Variants in DNAJC21 observed in about 807,000 individuals in gnomAD.
The protein encoded by DNAJC21 is dnaJ homolog subfamily C member 21.
In DNAJC21, 63 loss-of-function variants were observed where a neutral mutation model predicts 72.4. That is an observed-to-expected ratio of 0.87 (90% CI 0.71 to 1.07). The LOEUF (loss-of-function observed/expected upper bound fraction) is 1.07. Ranked by LOEUF, DNAJC21 falls within the 50% of genes least tolerant of loss-of-function variation. The pLI is 0.00. For synonymous variants in DNAJC21, 203 were observed against 216.7 expected (o/e 0.94, Z 0.56); for missense variants, 634 against 644.8 (o/e 0.98, Z 0.18).
intron 9 of DNAJC21, chr5:34,949,774 T>A: frequency 6.5e-7 from 1 of 1,549,146 alleles, no homozygotes; most frequent in East Asian, 2.3e-5. Context: ...GCTCATTGCT[T>A]ATCATTTGGA....
Position 34,941,121 on chromosome 5 carries a change from C to T in DNAJC21, c.921C>T (p.Asp307=), listed in dbSNP as rs746205033. ...EDGKDSDEAE[D]AELYDDLYCP... ...GTAAAGACAGTGATGAGGCCGAGGA[C>T]GCTGAGCTCTATGATGACCTTTACT... Residue 307 remains aspartate (D), a synonymous_variant, in exon 7 of 12, where the codon GAC becomes GAT. Transcript: ENST00000648817. The T allele has an allele frequency of 1.4e-5, 23 of 1,614,002 alleles. No individual in the cohort carries two copies. Among genetic ancestry groups the T allele is most frequent in the South Asian group, 3.3e-5 (3 of 91,084 alleles).
intron 10 of DNAJC21, chr5:34,951,164 C>G (rs1295123337): frequency 2.0e-6 from 2 of 985,238 alleles, no homozygotes; most frequent in African/African-American, 3.5e-5. Context: ...CAGTATGACT[C>G]TGGCTATAGA....
intron 6 of DNAJC21, among the ~76,000 whole-genome samples, chr5:34,939,373 C>T (rs1483726870): frequency 1.3e-5 from 2 of 152,040 alleles, no homozygotes; most frequent in Non-Finnish European, 2.9e-5. Flanking sequence ...TCACGCCATT[C>T]TCCTGCCTCA....
chr5:34,953,795 T>C (rs1483544599), intron 10 of DNAJC21, 131 bp from the exon 11 acceptor site: 1 of 476,532 alleles, frequency 2.1e-6, no homozygotes, highest in African/African-American at 2.0e-5. Flanking sequence ...ATTATTTAAA[T>C]TGCCTTTAAA....
intron 5 of DNAJC21, 47 bp from the exon 6 acceptor site, chr5:34,938,811 A>C: frequency 1.3e-6 from 2 of 1,528,614 alleles, no homozygotes; most frequent in East Asian, 4.8e-5. Context: ...AGTGAAAACC[A>C]TGCAGAGGCG....
chr5:34,954,946 T>C lies in DNAJC21; in HGVS notation c.*232T>C. Reference sequence around the variant, plus strand: ...ATTGACTTGAATGTCTTAAAACAGGTAAATACTGTAAAGTGTGTATTCTTG... The same window carrying C: ...ATTGACTTGAATGTCTTAAAACAGGCAAATACTGTAAAGTGTGTATTCTTG... On this transcript the variant is annotated 3_prime_UTR_variant, in exon 12 of 12. Coordinates refer to ENST00000648817, the MANE Select transcript of DNAJC21 (RefSeq NM_001012339.3). 3 of 363,196 alleles carry C rather than the reference T, an allele frequency of 8.3e-6. No homozygotes were observed. The highest frequency in any genetic ancestry group is 1.5e-5 in the Non-Finnish European group (3 of 206,774). 22.5% of individuals were successfully genotyped at this position (363,196 alleles called of 1,614,324 possible).
chr5:34,945,892 A>T, intron 9 of DNAJC21, 89 bp downstream of exon 9: 1 of 841,462 alleles, frequency 1.2e-6, no homozygotes, highest in South Asian at 2.5e-5. Context: ...TTAAGGAGAG[A>T]AACTTATACT....
intron 10 of DNAJC21, chr5:34,950,718 C>T (rs547025337): frequency 1.5e-5 from 15 of 992,286 alleles, no homozygotes; most frequent in South Asian, 9.1e-5. Context: ...TCCATGCTCA[C>T]GACAGCAGCC....
intron 9 of DNAJC21, 50 bp from the exon 10 acceptor site, chr5:34,950,120 G>A: frequency 6.5e-7 from 1 of 1,527,756 alleles, no homozygotes; most frequent in African/African-American, 1.4e-5. Flanking sequence ...TAAAAAGCTA[G>A]TAGTAGTATT....
At chr5:34,945,600 T>C in intron 8 of DNAJC21, 161 bp from the exon 9 acceptor site, 1 of 591,762 alleles carries the variant, frequency 1.7e-6, no homozygotes, top group Non-Finnish European at 2.8e-6. Flanking sequence ...AAAATGACAA[T>C]GTGAATACTT....
chr5:34,934,177 A>G (rs1764693059), intron 2 of DNAJC21, among the ~76,000 whole-genome samples: 1 of 152,156 alleles, frequency 6.6e-6, no homozygotes, highest in South Asian at 2.1e-4. Context: ...TTCTCATTAA[A>G]TACCCTTTGG....
intron 10 of DNAJC21, chr5:34,952,625 G>GA: frequency 1.3e-5 from 2 of 152,188 alleles, no homozygotes; most frequent in South Asian, 4.1e-4. Flanking sequence ...ATGAGTAGAG[G>GA]AATGTTCAGG....
At chr5:34,950,786 T>C in intron 10 of DNAJC21, 1 of 987,892 alleles carries the variant, frequency 1.0e-6, no homozygotes, top group Non-Finnish European at 1.2e-6. Context: ...CCCTTCCTGC[T>C]CAGAGGAGCC....
At chr5:34,935,554 C>T (rs112420322) in intron 2 of DNAJC21, among the ~76,000 whole-genome samples, 156 bp from the exon 3 acceptor site, 4 of 152,234 alleles carry the variant, frequency 2.6e-5, no homozygotes, top group African/African-American at 9.6e-5. Context: ...AGATTATGAA[C>T]TCTTTTCATG....
chr5:34,947,923 AAT>A lies in DNAJC21; in HGVS notation c.1185+2122_1185+2123del, dbSNP rs1336717400. On this transcript the variant is annotated intron_variant, in intron 9 of 11. Coordinates refer to ENST00000648817, the MANE Select transcript of DNAJC21 (RefSeq NM_001012339.3). ...ATAATCAAATTTAAAAATTTTAAGC[AAT>A]AGTTCTGTAAAAAAAAATCCTGTGC... Among the ~76,000 whole-genome samples, 3 of 152,168 alleles carry A rather than the reference AAT, an allele frequency of 2.0e-5. No homozygotes were observed. The East Asian group carries it at 5.8e-4, about 29-fold the overall frequency.
intron 7 of DNAJC21, among the ~76,000 whole-genome samples, chr5:34,941,610 C>T (rs1204119136): frequency 5.5e-5 from 8 of 144,406 alleles, no homozygotes. Flanking sequence ...TCTGTTGCCC[C>T]GGCTGGAGTG....
At chr5:34,945,830 T>C (rs1168134119) in intron 9 of DNAJC21, 27 bp downstream of exon 9, 4 of 1,509,356 alleles carry the variant, frequency 2.7e-6, no homozygotes, top group Non-Finnish European at 3.6e-6. Flanking sequence ...TTGTTAACAT[T>C]AAATGCCAAC....
At chr5:34,935,675 C>T (rs1764744572) in intron 2 of DNAJC21, 35 bp from the exon 3 acceptor site, 8 of 1,611,518 alleles carry the variant, frequency 5.0e-6, no homozygotes, top group South Asian at 4.4e-5. Flanking sequence ...CTTACTTATT[C>T]AGCCTTCACA....
At position 34,947,740 on chromosome 5, in the gene DNAJC21, A is replaced by G. The variant is rs575445614; in HGVS notation, c.1185+1937A>G. 4.7e-5 allele frequency among the ~76,000 whole-genome samples: 7 copies of G among 148,662 alleles called. No homozygotes were observed. In the South Asian group the frequency reaches 1.3e-3, roughly 27 times the overall value. ...TGTGGAAGATCATTTAATCATATAT[A>G]GAAGAGTTCATTTCTGTGCCGTATT... On this transcript the variant is annotated intron_variant, in intron 9 of 11. Transcript: ENST00000648817.
Sources: allele counts gnomAD v4.1 joint callset (sites outside exome capture counted in the v4.1 genomes callset), GRCh38; gene constraint gnomAD v4.1.1; transcripts MANE v1.5; gene names NCBI Gene and HGNC (gene_info 2026-07-23, HGNC 2026-07-21).